The following GATAD2B variants were observed in gnomAD, a reference collection of about 807,000 sequenced individuals.
GATAD2B encodes transcriptional repressor p66-beta.
A neutral mutation model predicts 64.3 loss-of-function variants in GATAD2B; 8 were observed. The observed-to-expected ratio is 0.12, with a 90% CI of 0.07 to 0.22. The LOEUF (loss-of-function observed/expected upper bound fraction) is 0.22, where lower values mean the gene tolerates loss of function less well. Ranked by LOEUF, GATAD2B falls within the 10% of genes least tolerant of loss-of-function variation. The pLI, the probability that GATAD2B is intolerant of heterozygous loss-of-function variation, is 1.00. For synonymous variants in GATAD2B, 281 were observed against 271.3 expected (o/e 1.04, Z -0.35); for missense variants, 453 against 752.0 (o/e 0.60, Z 4.65).
At chr1:153,822,711 C>G (rs1490925090) in intron 2 of GATAD2B, among the ~76,000 whole-genome samples, 3 of 152,166 alleles carry the variant, frequency 2.0e-5, no homozygotes, top group African/African-American at 7.2e-5. Context: ...GTTGGCCAGA[C>G]TGGTCTCAAA....
At chr1:153,878,304 T>C (rs1395437677) in intron 1 of GATAD2B, among the ~76,000 whole-genome samples, 1 of 151,818 alleles carries the variant, frequency 6.6e-6, no homozygotes, top group Admixed American at 6.6e-5. Flanking sequence ...CCACGACTAA[T>C]TTTTTGTAAA....
rs1674477037 is a variant in GATAD2B at position 153,816,225 on chromosome 1, C to T, written c.1216+48G>A. ...TGATACTCTGCCTATGTCAATCAGG[C>T]TTGGCAACCACTTGCTTAAATAGAT... On this transcript the variant is annotated intron_variant, in intron 7 of 10. Transcript: ENST00000368655. This position sits in a 1 kb window ranked among gnomAD's most constrained non-coding sequence, Gnocchi z 4.9. 4 of 1,281,306 alleles carry T rather than the reference C, an allele frequency of 3.1e-6. No homozygotes were observed. In the East Asian group the frequency reaches 9.3e-5, roughly 30 times the overall value. The allele number at this position is 1,281,306 out of a possible 1,614,324, so 79.4% of individuals were successfully genotyped here.
rs570246468 is a variant in GATAD2B at position 153,853,623 on chromosome 1, A to G, written c.-1-25275T>C. Among the ~76,000 whole-genome samples, 55 of 152,282 alleles carry G rather than the reference A, an allele frequency of 3.6e-4. No homozygotes were observed. The South Asian group carries it at 0.011, about 31-fold the overall frequency. The stretch of plus-strand genomic sequence containing the variant: ...GTGCAGAAGCTTTTTAGGTTGATGC[A>G]GTTCCACTTGCTTTTGTTGCCTGTG... On this transcript the variant is annotated intron_variant, in intron 1 of 10. Transcript: ENST00000368655.
chr1:153,849,121 G>C (rs1053576733), intron 1 of GATAD2B, among the ~76,000 whole-genome samples: 3 of 152,102 alleles, frequency 2.0e-5, no homozygotes, highest in African/African-American at 7.2e-5. Context: ...CAGGTAGCTG[G>C]GGCTATGGGT....
At position 153,837,057 on chromosome 1, in the gene GATAD2B, T is replaced by C. The variant is rs562792987; in HGVS notation, c.-1-8709A>G. Among the ~76,000 whole-genome samples, 5 of 152,332 alleles carry C rather than the reference T, an allele frequency of 3.3e-5. No homozygotes were observed. The East Asian group carries it at 9.6e-4, about 29-fold the overall frequency. ...TTTACTAATCTATAAACCTCAACTT[T>C]ATGCACTCACAACCATGCCTCCCTC... On this transcript the variant is annotated intron_variant, in intron 1 of 10. Coordinates refer to ENST00000368655, the MANE Select transcript of GATAD2B (RefSeq NM_020699.4).
intron 1 of GATAD2B, among the ~76,000 whole-genome samples, chr1:153,869,813 C>T (rs909432590): frequency 6.6e-6 from 1 of 152,146 alleles, no homozygotes; most frequent in African/African-American, 2.4e-5. Context: ...GTGTGTACCA[C>T]TTGAAGATCC....
At chr1:153,837,695 G>C (rs1165408612) in intron 1 of GATAD2B, among the ~76,000 whole-genome samples, 1 of 152,050 alleles carries the variant, frequency 6.6e-6, no homozygotes, top group African/African-American at 2.4e-5. Flanking sequence ...ACAGACTGTT[G>C]TGATGGTTGC....
chr1:153,860,099 G>A (rs889785687), intron 1 of GATAD2B, among the ~76,000 whole-genome samples: 6 of 151,510 alleles, frequency 4.0e-5, no homozygotes, highest in Non-Finnish European at 8.8e-5. Flanking sequence ...ATTTTCAGTA[G>A]AGACAAGGTT....
chr1:153,880,433 C>T (rs951529912), intron 1 of GATAD2B, among the ~76,000 whole-genome samples: 1 of 152,050 alleles, frequency 6.6e-6, no homozygotes, highest in African/African-American at 2.4e-5. Flanking sequence ...CACCACTGCA[C>T]TCCAGCCTGG....
At chr1:153,920,590 G>C (rs1052650380) in intron 1 of GATAD2B, among the ~76,000 whole-genome samples, 1 of 152,164 alleles carries the variant, frequency 6.6e-6, no homozygotes, top group African/African-American at 2.4e-5. Flanking sequence ...CTCTAAACAG[G>C]AAGTTAACAC....
At position 153,859,917 on chromosome 1, in the gene GATAD2B, T is replaced by C. The variant is rs1342038161; in HGVS notation, c.-1-31569A>G. On this transcript the variant is annotated intron_variant, in intron 1 of 10. Transcript: ENST00000368655. ...ATTTTCTTTTCTTTTCTTTTTTTTT[T>C]TTTTTTTTTTTTTTTTTTGAGACAG... Among the ~76,000 whole-genome samples, 26 of 129,928 alleles carry C rather than the reference T, an allele frequency of 2.0e-4. 1 individual carries two copies. The highest frequency in any genetic ancestry group is 7.6e-4 in the African/African-American group (26 of 34,106). 85.2% of individuals were successfully genotyped at this position (129,928 alleles called of 152,430 possible).
chr1:153,820,139 T>C (rs1674627820), intron 2 of GATAD2B, among the ~76,000 whole-genome samples: 1 of 147,556 alleles, frequency 6.8e-6, no homozygotes, highest in Non-Finnish European at 1.5e-5. Context: ...CTGTCAAGAG[T>C]AGGTACTGAA....
At chr1:153,864,251 G>C (rs751438202) in intron 1 of GATAD2B, among the ~76,000 whole-genome samples, 9 of 152,180 alleles carry the variant, frequency 5.9e-5, no homozygotes, top group Non-Finnish European at 1.3e-4. Context: ...GTATGTATTG[G>C]GGGCTTGGTG....
chr1:153,869,585 T>C (rs1333219079), intron 1 of GATAD2B, among the ~76,000 whole-genome samples: 1 of 152,178 alleles, frequency 6.6e-6, no homozygotes, highest in Non-Finnish European at 1.5e-5. Context: ...ATCCACACGA[T>C]GTTCCAGGTT....
chr1:153,878,162 CT>C (rs71899872), intron 1 of GATAD2B, among the ~76,000 whole-genome samples: 50,404 of 145,568 alleles, frequency 0.35, 9,484 homozygotes, highest in Admixed American at 0.45. Flanking sequence ...ATCCTGCAAT[CT>C]TTTTTTTTTT....
chr1:153,812,071 G>A lies in GATAD2B; in HGVS notation c.1481C>T (p.Ser494Phe). 1 of 1,613,248 alleles carries A rather than the reference G, an allele frequency of 6.2e-7. No individual in the cohort carries two copies. The highest frequency in any genetic ancestry group is 8.5e-7 in the Non-Finnish European group (1 of 1,179,428). The change falls in exon 9 of 11, where the codon TCC (serine) becomes TTC (phenylalanine). Residue 494 changes from serine (S) to phenylalanine (F), a missense_variant. By Grantham distance (155) the Ser-to-Phe change is radical (BLOSUM62 -2). Around this residue, in one of 2 missense-constraint regions of GATAD2B, gnomAD observed 160 missense variants for 334.7 expected, o/e 0.48. Transcript: ENST00000368655. ...GATGGTCTCTTGTTTACTGACACTG[G>A]ACACAGCTGGAGCCGTAGTGGGGGA... ...ALSPTTAPAV[S>F]SVSKQETIMR...
intron 1 of GATAD2B, among the ~76,000 whole-genome samples, chr1:153,886,109 A>G (rs1412232735): frequency 6.6e-6 from 1 of 152,244 alleles, no homozygotes; most frequent in Non-Finnish European, 1.5e-5. Flanking sequence ...TAAACTGGCA[A>G]AAACAGTCGT....
chr1:153,914,294 T>C (rs1469441553), intron 1 of GATAD2B, among the ~76,000 whole-genome samples: 1 of 149,948 alleles, frequency 6.7e-6, no homozygotes, highest in Admixed American at 6.7e-5. Context: ...ACATAATGAT[T>C]AAAAATAATA....
chr1:153,861,795 A>AT (rs1553194158), intron 1 of GATAD2B, among the ~76,000 whole-genome samples: 3,952 of 98,430 alleles, frequency 0.04, 129 homozygotes, highest in African/African-American at 0.047. Flanking sequence ...AAAAAAAAAA[A>AT]ATATATATAT....
Sources: gnomAD v4.1 joint callset for allele counts (sites outside exome capture counted in the v4.1 genomes callset) on GRCh38, gnomAD v4.1.1 for gene constraint, gnomAD v4.1.1 regional missense constraint, Gnocchi (gnomAD v3.1) non-coding constraint, MANE v1.5 for transcripts, NCBI Gene and HGNC (gene_info 2026-07-23, HGNC 2026-07-21) for gene names.